The following ABCA12 variants were observed in gnomAD, a reference collection of about 807,000 sequenced individuals.
ABCA12 encodes glucosylceramide transporter ABCA12.
In ABCA12, 156 loss-of-function variants were observed where a neutral mutation model predicts 293.5. That is an observed-to-expected ratio of 0.53 (90% CI 0.47 to 0.61). ABCA12 has a LOEUF of 0.61. Among genes scored for constraint, ABCA12 ranks in the 20% least tolerant of loss-of-function variants. ABCA12 has a pLI of 0.00. For synonymous variants in ABCA12, 1,063 were observed against 1,108.0 expected, an observed-to-expected ratio of 0.96 and a Z score of 0.81; for missense variants, 2,797 against 3,090.2, an observed-to-expected ratio of 0.91 and a Z score of 2.25.
At chr2:215,133,017 T>G (rs1342525874) in intron 1 of ABCA12, among the ~76,000 whole-genome samples, 1 of 151,860 alleles carries the variant, frequency 6.6e-6, no homozygotes, top group Admixed American at 6.6e-5. Context: ...CCAGCTGGCA[T>G]TTTTTCTTCT....
chr2:215,084,724 T>C (rs1406939844), intron 2 of ABCA12, among the ~76,000 whole-genome samples: 1 of 152,176 alleles, frequency 6.6e-6, no homozygotes, highest in African/African-American at 2.4e-5. Flanking sequence ...CAATTTACCT[T>C]ACTGGCAAAG....
intron 1 of ABCA12, among the ~76,000 whole-genome samples, chr2:215,112,486 G>GTTTTTTTTTTTT (rs112479616): frequency 9.3e-6 from 1 of 107,598 alleles, no homozygotes; most frequent in Non-Finnish European, 1.7e-5. Context: ...GGTTTTTTTT[G>GTTTTTTTTTTTT]TTTTTTTTTT....
intron 6 of ABCA12, 69 bp from the exon 7 acceptor site, chr2:215,046,084 T>A: frequency 1.3e-6 from 2 of 1,499,880 alleles, no homozygotes; most frequent in Non-Finnish European, 1.8e-6. Context: ...GTTTGCTGTT[T>A]TTAAAAGCAT....
intron 1 of ABCA12, among the ~76,000 whole-genome samples, chr2:215,117,590 T>G (rs1469679038): frequency 6.6e-6 from 1 of 152,236 alleles, no homozygotes; most frequent in Non-Finnish European, 1.5e-5. Flanking sequence ...GCAAAGCATA[T>G]AATTTCAACT....
intron 16 of ABCA12, 122 bp downstream of exon 16, chr2:215,011,848 GT>G: frequency 1.7e-6 from 2 of 1,207,478 alleles, no homozygotes; most frequent in South Asian, 2.6e-5. Flanking sequence ...AGGTAGAAGA[GT>G]TTTCTTGTAG....
Position 214,974,027 on chromosome 2 carries a change from T to C in ABCA12, c.5484A>G (p.Lys1828=). Residue 1828 remains lysine (K), a synonymous_variant, in exon 36 of 53, where the codon AAA becomes AAG. Coordinates refer to ENST00000272895, the MANE Select transcript of ABCA12 (RefSeq NM_173076.3). ...LNTSDLQCLN[K]DSLEKWNTSG... ...TGGTGTTCCATTTTTCCAGACTGTC[T>C]TTGTTTAAACACTGTCTGCAAGTTA... is the stretch of plus-strand genomic sequence containing the variant. 6.2e-7 allele frequency: 1 copy of C among 1,613,988 alleles called. No individual in the cohort carries two copies. The highest frequency in any genetic ancestry group is 8.5e-7 in the Non-Finnish European group (1 of 1,179,912).
At position 215,031,751 on chromosome 2, in the gene ABCA12, T is replaced by C; in HGVS notation, c.1061+70A>G. Reference sequence around the variant, plus strand: ...CTTATATACACTGATAAGCGAATTATGTTTAGAAATTGTTTTGATTGTTTA... The same window carrying C: ...CTTATATACACTGATAAGCGAATTACGTTTAGAAATTGTTTTGATTGTTTA... On this transcript the variant is annotated intron_variant, in intron 9 of 52. Coordinates refer to ENST00000272895, the MANE Select transcript of ABCA12 (RefSeq NM_173076.3). The C allele has an allele frequency of 1.9e-6, 3 of 1,583,164 alleles. No individual in the cohort carries two copies. The South Asian group carries it at 3.3e-5, about 18-fold the overall frequency.
chr2:215,134,279 TGTATATATGTATATGTACATATATAC>T (rs1379747280), intron 1 of ABCA12, among the ~76,000 whole-genome samples: 1 of 147,682 alleles, frequency 6.8e-6, no homozygotes, highest in Non-Finnish European at 1.5e-5. Context: ...TACGTATATG[TGTATATATGTATATGTACATATATAC>T]GTATATGTGT....
At chr2:215,072,499 C>T (rs903750164) in intron 2 of ABCA12, among the ~76,000 whole-genome samples, 1 of 152,074 alleles carries the variant, frequency 6.6e-6, no homozygotes, top group African/African-American at 2.4e-5. Context: ...CTCTTTGACC[C>T]TTTAGTGTAC....
intron 17 of ABCA12, 132 bp downstream of exon 17, chr2:215,011,307 T>C (rs1384625819): frequency 4.2e-6 from 3 of 716,292 alleles, no homozygotes; most frequent in African/African-American, 1.8e-5. Flanking sequence ...TGGTAAGTGC[T>C]GTATAATTAT....
intron 2 of ABCA12, among the ~76,000 whole-genome samples, chr2:215,071,193 T>A (rs1238801456): frequency 7.3e-6 from 1 of 136,446 alleles, no homozygotes; most frequent in Admixed American, 7.8e-5. Context: ...TGAGATCCTG[T>A]CTCAAATAAA....
chr2:215,128,173 A>G (rs1412741704), intron 1 of ABCA12, among the ~76,000 whole-genome samples: 1 of 152,120 alleles, frequency 6.6e-6, no homozygotes, highest in African/African-American at 2.4e-5. Context: ...TCTGCTGTTG[A>G]TCTGGTAAGT....
At chr2:215,078,378 G>A (rs1204053038) in intron 2 of ABCA12, among the ~76,000 whole-genome samples, 2 of 152,176 alleles carry the variant, frequency 1.3e-5, no homozygotes, top group Non-Finnish European at 2.9e-5. Context: ...TTTAGCCTTT[G>A]TCTTCCTTGA....
chr2:215,096,717 T>C (rs573605634), intron 2 of ABCA12, among the ~76,000 whole-genome samples: 1 of 152,312 alleles, frequency 6.6e-6, no homozygotes, highest in South Asian at 2.1e-4. Flanking sequence ...TGTAATTCTT[T>C]TTCTTTCTCC....
At chr2:215,024,660 T>C (rs774144259) in intron 11 of ABCA12, among the ~76,000 whole-genome samples, 16 of 152,218 alleles carry the variant, frequency 1.1e-4, no homozygotes, top group Non-Finnish European at 1.8e-4. Flanking sequence ...ATTTGTAATA[T>C]ACATGGACAT....
intron 9 of ABCA12, among the ~76,000 whole-genome samples, chr2:215,028,314 G>A (rs1048047585): frequency 6.6e-6 from 1 of 152,172 alleles, no homozygotes; most frequent in African/African-American, 2.4e-5. Flanking sequence ...AACTTTAAAA[G>A]AAAAAGAAAT....
intron 39 of ABCA12, among the ~76,000 whole-genome samples, chr2:214,966,314 G>C (rs768556353): frequency 7.2e-5 from 11 of 152,090 alleles, no homozygotes; most frequent in Non-Finnish European, 1.3e-4. Flanking sequence ...GTGATGCGTT[G>C]ATATGTGCAG....
chr2:215,019,667 G>A lies in ABCA12; in HGVS notation c.1417C>T (p.Leu473Phe). The part of the protein sequence containing the change: ...LCEESEFDLQ[L>F]LEAAELGTEI... Reference sequence around the variant, plus strand: ...GTGCCCAGCTCTGCCGCTTCGAGGAGTTGCAGATCAAACTCACTTTCTTCA... The same window carrying A: ...GTGCCCAGCTCTGCCGCTTCGAGGAATTGCAGATCAAACTCACTTTCTTCA... Residue 473 changes from leucine to phenylalanine, a missense_variant, in exon 12 of 53, where the codon CTC (leucine) becomes TTC (phenylalanine). This residue lies in a region of ABCA12 where 656 missense variants were observed against 638.2 expected (regional missense o/e 1.03). Coordinates refer to ENST00000272895, the MANE Select transcript of ABCA12 (RefSeq NM_173076.3). 1 of 1,614,124 alleles carries A rather than the reference G, an allele frequency of 6.2e-7. No homozygotes were observed.
intron 1 of ABCA12, among the ~76,000 whole-genome samples, chr2:215,132,445 A>G (rs1703080106): frequency 6.6e-6 from 1 of 151,546 alleles, no homozygotes; most frequent in African/African-American, 2.4e-5. Context: ...TATACTTGGG[A>G]TAGTTGAATC....
Sources: allele counts gnomAD v4.1 joint callset (sites outside exome capture counted in the v4.1 genomes callset), GRCh38; gene constraint gnomAD v4.1.1; regional missense constraint gnomAD v4.1.1; transcripts MANE v1.5; gene names NCBI Gene and HGNC (gene_info 2026-07-23, HGNC 2026-07-21).